Variants in ALDH9A1 observed in about 807,000 individuals in gnomAD.
ALDH9A1 encodes the protein 4-trimethylaminobutyraldehyde dehydrogenase.
Under a neutral mutation model 56.6 loss-of-function variants are expected in ALDH9A1, and 42 were observed. The observed-to-expected ratio is 0.74, with a 90% confidence interval of 0.58 to 0.96. The LOEUF (loss-of-function observed/expected upper bound fraction) is 0.96. Ranked by LOEUF, ALDH9A1 falls within the 40% of genes least tolerant of loss-of-function variation. The probability of loss-of-function intolerance (pLI) is 0.00; values close to 1 mark genes in which losing one functional copy is unlikely to be tolerated. For missense variants in ALDH9A1, 661 were observed against 651.5 expected, an observed-to-expected ratio of 1.01 and a Z score of -0.16; for synonymous variants, 242 against 236.0, an observed-to-expected ratio of 1.03 and a Z score of -0.23.
intron 6 of ALDH9A1, among the ~76,000 whole-genome samples, chr1:165,677,964 G>A (rs1649420416): frequency 6.6e-6 from 1 of 152,194 alleles, no homozygotes; most frequent in African/African-American, 2.4e-5. Context: ...GAACCCAGGT[G>A]GTGGAGGTTG....
intron 2 of ALDH9A1, among the ~76,000 whole-genome samples, chr1:165,692,713 A>G (rs1649933256): frequency 6.6e-6 from 1 of 150,486 alleles, no homozygotes; most frequent in Non-Finnish European, 1.5e-5. Context: ...GGAAAAAACT[A>G]TTTTAAAGTT....
At position 165,669,293 on chromosome 1, in the gene ALDH9A1, A is replaced by G; in HGVS notation, c.1088T>C (p.Val363Ala). Residue 363 changes from valine (V) to alanine (A), a missense_variant, in exon 7 of 11, where the codon GTC (valine) becomes GCC (alanine). By Grantham distance (64) the Val-to-Ala change is moderately conservative. Coordinates refer to ENST00000354775, the MANE Select transcript of ALDH9A1 (RefSeq NM_000696.4). ...PLINRPHLER[V>A]LGFVKVAKEQ... ...CTTTGCCACTTTGACAAACCCAAGG[A>G]CTCGCTCCAGGTGTGGTCGGTTGAT... is the stretch of plus-strand genomic sequence containing the variant. 1 of 1,609,072 alleles carries G rather than the reference A, an allele frequency of 6.2e-7. No individual in the cohort carries two copies. The highest frequency in any genetic ancestry group is 8.5e-7 in the Non-Finnish European group (1 of 1,178,596).
Position 165,679,499 on chromosome 1 carries a change from A to T in ALDH9A1, c.873T>A (p.Cys291Ter). 6.2e-7 allele frequency: 1 copy of T among 1,614,120 alleles called. No homozygotes were observed. The highest frequency in any genetic ancestry group is 8.5e-7 in the Non-Finnish European group (1 of 1,180,006). Reference sequence around the variant, plus strand: ...CCCCCTTTACAGCATTGTTCATATCACAGTCTGAGAAGATGATGAGTGGAG... The same window carrying T: ...CCCCCTTTACAGCATTGTTCATATCTCAGTCTGAGAAGATGATGAGTGGAG... ...GKSPLIIFSD[C>*]DMNNAVKGAL... The change falls in exon 6 of 11, where the codon TGT becomes TGA. Residue 291 changes from cysteine to a stop codon, truncating the protein, a stop_gained. Transcript: ENST00000354775. LOFTEE classifies it high-confidence loss of function.
At chr1:165,672,499 C>T (rs921266110) in intron 6 of ALDH9A1, among the ~76,000 whole-genome samples, 1 of 152,046 alleles carries the variant, frequency 6.6e-6, no homozygotes, top group Non-Finnish European at 1.5e-5. Context: ...TTACCAGAGG[C>T]TGAGGGGAGA....
At position 165,679,589 on chromosome 1, in the gene ALDH9A1, GA is replaced by G. The variant is rs2101746438; in HGVS notation, c.790-8del. 2 of 1,614,138 alleles carry G rather than the reference GA, an allele frequency of 1.2e-6. No individual in the cohort carries two copies. Among genetic ancestry groups the G allele is most frequent in the East Asian group, 4.5e-5 (2 of 44,882 alleles). Reference sequence around the variant, plus strand: ...TAGCTGACATCTCCATGATCTTGCAGAACAAGGACAAGGTATTCAGAACTTT... The same window carrying G: ...TAGCTGACATCTCCATGATCTTGCAGACAAGGACAAGGTATTCAGAACTTT... On this transcript the variant is annotated splice_region_variant and splice_polypyrimidine_tract_variant and intron_variant, in intron 5 of 10. Coordinates refer to ENST00000354775, the MANE Select transcript of ALDH9A1 (RefSeq NM_000696.4).
chr1:165,675,956 T>G (rs1054221638), intron 6 of ALDH9A1, among the ~76,000 whole-genome samples: 4 of 152,224 alleles, frequency 2.6e-5, no homozygotes, highest in Non-Finnish European at 2.9e-5. Flanking sequence ...TATTCTATGA[T>G]GAGCAATTAG....
intron 7 of ALDH9A1, 44 bp from the exon 8 acceptor site, chr1:165,669,057 C>A: frequency 6.7e-7 from 1 of 1,497,412 alleles, no homozygotes; most frequent in Non-Finnish European, 9.2e-7. Flanking sequence ...AAATATAACC[C>A]CAAAATGCAT....
intron 4 of ALDH9A1, among the ~76,000 whole-genome samples, chr1:165,681,730 T>C (rs1649557849): frequency 6.6e-6 from 1 of 152,224 alleles, no homozygotes; most frequent in South Asian, 2.1e-4. Flanking sequence ...GTTTATCTTC[T>C]GCTTCGTAAA....
At chr1:165,674,250 G>A (rs905895453) in intron 6 of ALDH9A1, among the ~76,000 whole-genome samples, 2 of 150,066 alleles carry the variant, frequency 1.3e-5, no homozygotes, top group African/African-American at 4.9e-5. Context: ...GCAGCCCCTG[G>A]GGCAGCTCTG....
chr1:165,676,466 C>A, intron 6 of ALDH9A1: 1 of 265,812 alleles, frequency 3.8e-6, no homozygotes, highest in East Asian at 1.2e-4. Flanking sequence ...AAAGGAATGC[C>A]CAAAAGCATT....
intron 2 of ALDH9A1, among the ~76,000 whole-genome samples, chr1:165,683,876 A>G (rs1649630240): frequency 6.6e-6 from 1 of 152,206 alleles, no homozygotes. Flanking sequence ...AAAGGACATA[A>G]AAGAATTGAA....
intron 2 of ALDH9A1, among the ~76,000 whole-genome samples, chr1:165,694,479 T>C (rs1649999195): frequency 6.7e-6 from 1 of 148,726 alleles, no homozygotes; most frequent in South Asian, 2.3e-4. Flanking sequence ...TGTATATATT[T>C]ATGATGTAAA....
rs565372654 is a variant in ALDH9A1, at chr1:165,662,934, T to C, written c.*116A>G. Reference sequence around the variant, plus strand: ...AAGAGTAACATGAACCATTCTCTTATACTGAACGCCAAAATTCTGGATGTA... The same window carrying C: ...AAGAGTAACATGAACCATTCTCTTACACTGAACGCCAAAATTCTGGATGTA... On this transcript the variant is annotated 3_prime_UTR_variant, in exon 11 of 11. Transcript: ENST00000354775. 79 of 892,830 alleles carry C rather than the reference T, an allele frequency of 8.8e-5. No individual in the cohort carries two copies. Among genetic ancestry groups the C allele is most frequent in the East Asian group, 3.4e-4 (14 of 41,298 alleles). The allele number at this position is 892,830 out of a possible 1,614,324, so 55.3% of individuals were successfully genotyped here.
At chr1:165,674,314 C>CA (rs1649275001) in intron 6 of ALDH9A1, among the ~76,000 whole-genome samples, 1 of 40,310 alleles carries the variant, frequency 2.5e-5, no homozygotes, top group African/African-American at 8.7e-5. Flanking sequence ...CTTCCTTTCA[C>CA]TAAAAAAAAA....
At chr1:165,689,404 T>A (rs996460168) in intron 2 of ALDH9A1, among the ~76,000 whole-genome samples, 1 of 152,226 alleles carries the variant, frequency 6.6e-6, no homozygotes, top group Non-Finnish European at 1.5e-5. Context: ...TACTCCAGGA[T>A]AATAAACTTA....
intron 6 of ALDH9A1, among the ~76,000 whole-genome samples, chr1:165,672,806 A>G (rs56143029): frequency 0.064 from 9,735 of 151,946 alleles, 307 homozygotes; most frequent in Middle Eastern, 0.1. Flanking sequence ...GCATGGTGCC[A>G]CATGCCTATA....
At position 165,669,379 on chromosome 1, in the gene ALDH9A1, T is replaced by C. The variant is rs1482529382; in HGVS notation, c.1002A>G (p.Lys334=). ...ILDKFTEEVV[K]QTQRIKIGDP... Reference sequence around the variant, plus strand: ...CTCCAATTTTAATCCTTTGGGTCTGTTTCACCACTTCCTCTGTAAATTTAT... The same window carrying C: ...CTCCAATTTTAATCCTTTGGGTCTGCTTCACCACTTCCTCTGTAAATTTAT... Residue 334 remains lysine, a synonymous_variant, in exon 7 of 11, where the codon AAA becomes AAG. Transcript: ENST00000354775. 1 of 1,613,972 alleles carries C rather than the reference T, an allele frequency of 6.2e-7. No individual in the cohort carries two copies. The highest frequency in any genetic ancestry group is 8.5e-7 in the Non-Finnish European group (1 of 1,179,918).
chr1:165,682,777 A>G lies in ALDH9A1; in HGVS notation c.457+204T>C, dbSNP rs191322944. On this transcript the variant is annotated intron_variant, in intron 3 of 10. Coordinates refer to ENST00000354775, the MANE Select transcript of ALDH9A1 (RefSeq NM_000696.4). ...TGCTTTACATGCACTATCTCATTTA[A>G]TCCTTAACCCAAGAAGGTAGGAATT... is the stretch of plus-strand genomic sequence containing the variant. 1.1e-4 allele frequency: 64 copies of G among 574,378 alleles called. 1 individual carries two copies. The East Asian group carries it at 1.8e-3, about 16-fold the overall frequency. The allele number at this position is 574,378 out of a possible 1,614,324, so 35.6% of individuals were successfully genotyped here.
intron 8 of ALDH9A1, among the ~76,000 whole-genome samples, chr1:165,668,060 C>T (rs574676672): frequency 6.6e-6 from 1 of 152,086 alleles, no homozygotes; most frequent in Non-Finnish European, 1.5e-5. Context: ...AGTAGGATGC[C>T]CATATACACC....
Sources: allele counts gnomAD v4.1 joint callset (sites outside exome capture counted in the v4.1 genomes callset), GRCh38; gene constraint gnomAD v4.1.1; transcripts MANE v1.5; gene names NCBI Gene and HGNC (gene_info 2026-07-23, HGNC 2026-07-21).